CTNNA3: variants seen among roughly 807,000 people sequenced by gnomAD.
CTNNA3 encodes the protein catenin alpha 3.
CTNNA3 carries 76 observed loss-of-function variants against 95.7 expected under a neutral mutation model. The observed-to-expected ratio is 0.79, with a 90% CI of 0.66 to 0.96. CTNNA3 has a LOEUF of 0.96. CTNNA3 is among the 40% of genes least tolerant of loss of function. The probability of loss-of-function intolerance (pLI) is 0.00; values close to 1 mark genes in which losing one functional copy is unlikely to be tolerated. For missense variants in CTNNA3, 1,191 were observed against 1,089.8 expected, an observed-to-expected ratio of 1.09 and a Z score of -1.31; for synonymous variants, 431 against 374.4, an observed-to-expected ratio of 1.15 and a Z score of -1.74.
chr10:66,163,724 G>A (rs1482040682), intron 13 of CTNNA3, among the ~76,000 whole-genome samples: 2 of 152,126 alleles, frequency 1.3e-5, no homozygotes, highest in Admixed American at 6.6e-5. Context: ...TTTTTTGGCA[G>A]TGATGCTTAA....
intron 11 of CTNNA3, among the ~76,000 whole-genome samples, chr10:66,482,318 A>G (rs1839566358): frequency 6.6e-6 from 1 of 152,158 alleles, no homozygotes; most frequent in Non-Finnish European, 1.5e-5. Context: ...ATGTAAATTG[A>G]GTATGACTAT....
At chr10:66,400,903 G>T (rs1245563615) in intron 11 of CTNNA3, among the ~76,000 whole-genome samples, 1 of 152,096 alleles carries the variant, frequency 6.6e-6, no homozygotes, top group Admixed American at 6.5e-5. Flanking sequence ...AGACAACACA[G>T]ACATAGAAAT....
intron 11 of CTNNA3, among the ~76,000 whole-genome samples, chr10:66,403,855 C>G (rs190788263): frequency 6.6e-6 from 1 of 152,112 alleles, no homozygotes; most frequent in Admixed American, 6.5e-5. Flanking sequence ...GCTAACTTTG[C>G]GAGGAATTTA....
rs112670459 is a variant in CTNNA3 at position 67,379,570 on chromosome 10, C to A, written c.579+142272G>T. On this transcript the variant is annotated intron_variant, in intron 5 of 17. Coordinates refer to ENST00000433211, the MANE Select transcript of CTNNA3 (RefSeq NM_013266.4). ...CACATTGCTTTTCCCAAAGGTAAAG[C>A]AAACAAGTTTATACTTTAAAGGCTC... Among the ~76,000 whole-genome samples, 693 of 152,250 alleles carry A rather than the reference C, an allele frequency of 4.6e-3. 2 individuals are homozygous for A. Among genetic ancestry groups the A allele is most frequent in the Non-Finnish European group, 7.4e-3 (502 of 68,006 alleles).
chr10:66,939,226 C>T (rs953792803), intron 7 of CTNNA3, among the ~76,000 whole-genome samples: 7 of 152,178 alleles, frequency 4.6e-5, no homozygotes, highest in African/African-American at 1.7e-4. Flanking sequence ...TCATACAGAA[C>T]TGAAGCATCT....
chr10:66,387,306 A>G (rs1002393389), intron 11 of CTNNA3, among the ~76,000 whole-genome samples: 1 of 152,224 alleles, frequency 6.6e-6, no homozygotes, highest in East Asian at 1.9e-4. Context: ...ACACTTCTCA[A>G]AAGAAGACAT....
At chr10:66,879,518 G>C (rs1455152804) in intron 7 of CTNNA3, among the ~76,000 whole-genome samples, 5 of 152,086 alleles carry the variant, frequency 3.3e-5, no homozygotes, top group African/African-American at 1.2e-4. Flanking sequence ...ACACACTACT[G>C]TGTATTTAGC....
intron 7 of CTNNA3, among the ~76,000 whole-genome samples, chr10:66,907,461 T>G (rs1428446908): frequency 6.6e-6 from 1 of 152,170 alleles, no homozygotes; most frequent in Non-Finnish European, 1.5e-5. Flanking sequence ...CTCCTCTCTT[T>G]GAAAAATATG....
chr10:67,152,114 C>T (rs1861112339), intron 7 of CTNNA3, among the ~76,000 whole-genome samples: 1 of 152,172 alleles, frequency 6.6e-6, no homozygotes, highest in Non-Finnish European at 1.5e-5. Context: ...TGAAATTGTA[C>T]ACCAAACTCT....
chr10:67,309,732 A>G (rs1314118675), intron 5 of CTNNA3, among the ~76,000 whole-genome samples: 1 of 152,198 alleles, frequency 6.6e-6, no homozygotes, highest in Admixed American at 6.5e-5. Context: ...TATAATAAGT[A>G]GTTCTAAATT....
intron 12 of CTNNA3, among the ~76,000 whole-genome samples, chr10:66,340,025 T>G (rs993976363): frequency 6.6e-6 from 1 of 151,640 alleles, no homozygotes; most frequent in Non-Finnish European, 1.5e-5. Context: ...TAATAATACA[T>G]GTACTAATGT....
intron 10 of CTNNA3, among the ~76,000 whole-genome samples, chr10:66,563,517 T>G (rs1842614982): frequency 6.6e-6 from 1 of 152,120 alleles, no homozygotes; most frequent in Non-Finnish European, 1.5e-5. Flanking sequence ...ATAATCTCTT[T>G]GCTAGTTGTT....
chr10:66,520,637 T>A lies in CTNNA3; in HGVS notation c.1511A>T (p.Asp504Val). 1 of 1,607,920 alleles carries A rather than the reference T, an allele frequency of 6.2e-7. No homozygotes were observed. The highest frequency in any genetic ancestry group is 1.3e-5 in the African/African-American group (1 of 74,650). The change falls in exon 11 of 18, where the codon GAT becomes GTT. Residue 504 changes from aspartate (D) to valine (V), a missense_variant. By Grantham distance (152) the Asp-to-Val change is radical (BLOSUM62 -3). Transcript: ENST00000433211. ...CATACCAGATACAGCAAGGAAGTCATCAATGCTTGTAATGTCATCTACGGC... is the reference window on the plus strand; with the variant it reads ...CATACCAGATACAGCAAGGAAGTCAACAATGCTTGTAATGTCATCTACGGC... ...TEAVDDITSI[D>V]DFLAVSESHI...
In CTNNA3 at chr10:66,346,230, TATATATATATATATATAG is replaced by T. The variant is rs1159686352; in HGVS notation, c.1732+32904_1732+32921del. On this transcript the variant is annotated intron_variant, in intron 12 of 17. Coordinates refer to ENST00000433211, the MANE Select transcript of CTNNA3 (RefSeq NM_013266.4). ...GTGTGTGTATATATATATATATATA[TATATATATATATATATAG>T]AGAGAGAGAGAGAGAGAGAGAGAGA... Among the ~76,000 whole-genome samples, 466 of 65,198 alleles carry T rather than the reference TATATATATATATATATAG, an allele frequency of 7.1e-3. 1 individual carries two copies. Among genetic ancestry groups the T allele is most frequent in the Non-Finnish European group, 9.9e-3 (327 of 33,170 alleles). The allele number at this position is 65,198 out of a possible 152,430, so 42.8% of individuals were successfully genotyped here. A position where few individuals can be genotyped will look rare whatever the true frequency, so the allele number is the denominator to read the frequency against.
At chr10:66,457,571 A>G (rs965902407) in intron 11 of CTNNA3, among the ~76,000 whole-genome samples, 1 of 151,706 alleles carries the variant, frequency 6.6e-6, no homozygotes, top group Non-Finnish European at 1.5e-5. Flanking sequence ...ACACAGCTCC[A>G]TTCATAATTG....
intron 16 of CTNNA3, among the ~76,000 whole-genome samples, chr10:65,982,424 C>G (rs1157774946): frequency 6.6e-6 from 1 of 150,822 alleles, no homozygotes; most frequent in Non-Finnish European, 1.5e-5. Flanking sequence ...CTAGTACAAC[C>G]AGTATGGAAA....
At chr10:67,729,331 A>G (rs2133630543) in intron 1 of CTNNA3, among the ~76,000 whole-genome samples, 1 of 152,218 alleles carries the variant, frequency 6.6e-6, no homozygotes, top group African/African-American at 2.4e-5. Context: ...AGAAAGAAAC[A>G]TTTATAGATC....
At chr10:67,680,766 A>T (rs1022647091) in intron 1 of CTNNA3, among the ~76,000 whole-genome samples, 1 of 152,220 alleles carries the variant, frequency 6.6e-6, no homozygotes, top group Non-Finnish European at 1.5e-5. Flanking sequence ...ATGACTTTTT[A>T]AAAAAGATAT....
At chr10:67,638,858 A>G (rs533428365) in intron 2 of CTNNA3, among the ~76,000 whole-genome samples, 1 of 152,350 alleles carries the variant, frequency 6.6e-6, no homozygotes, top group East Asian at 1.9e-4. Context: ...CATTTAAAGC[A>G]GTGTGTAGAG....
Sources: allele counts gnomAD v4.1 joint callset (sites outside exome capture counted in the v4.1 genomes callset), GRCh38; gene constraint gnomAD v4.1.1; transcripts MANE v1.5; gene names NCBI Gene and HGNC (gene_info 2026-07-23, HGNC 2026-07-21).